Variants in SORD observed in about 807,000 individuals in gnomAD.
SORD encodes (R,R)-butanediol dehydrogenase.
SORD carries 18 observed loss-of-function variants against 35.6 expected under a neutral mutation model. The observed-to-expected ratio is 0.51, with a 90% CI of 0.35 to 0.75. The LOEUF is 0.75. Among genes scored for constraint, SORD ranks in the 30% least tolerant of loss-of-function variants. The probability of loss-of-function intolerance (pLI) is 0.01; values close to 1 mark genes in which losing one functional copy is unlikely to be tolerated. For synonymous variants in SORD, 106 were observed against 152.9 expected, an observed-to-expected ratio of 0.69 and a Z score of 2.26; for missense variants, 250 against 390.2, an observed-to-expected ratio of 0.64 and a Z score of 3.03.
intron 3 of SORD, chr15:45,060,859 C>T (rs1893291392): frequency 1.8e-6 from 2 of 1,114,940 alleles, no homozygotes; most frequent in Non-Finnish European, 1.2e-6. Flanking sequence ...AGTTTCCTCA[C>T]TTGCCTAGGA....
Position 45,069,029 on chromosome 15 carries a change from G to A in SORD, c.763G>A (p.Ala255Thr), listed in dbSNP as rs141753497. 5.6e-6 allele frequency: 9 copies of A among 1,611,132 alleles called. No homozygotes were observed. Among genetic ancestry groups the A allele is most frequent in the Admixed American group, 1.7e-5 (1 of 59,748 alleles). The part of the protein sequence containing the change: ...EVTIECTGAE[A>T]SIQAGIYATR... ...CACCATCGAGTGCACGGGGGCAGAG[G>A]CCTCCATCCAGGCGGGCATCTACGT... The change falls in exon 7 of 9, where the codon GCC becomes ACC. Residue 255 changes from alanine to threonine, a missense_variant. Ala to Thr is a moderately conservative substitution (Grantham distance 58, BLOSUM62 0). Coordinates refer to ENST00000267814, the MANE Select transcript of SORD (RefSeq NM_003104.6).
chr15:45,036,298 T>C, intron 1 of SORD: 3 of 455,882 alleles, frequency 6.6e-6, no homozygotes, highest in Non-Finnish European at 1.3e-5. Context: ...TTAAGATATG[T>C]ATTTCTGACT....
At chr15:45,036,740 A>C (rs1471271191) in intron 1 of SORD, among the ~76,000 whole-genome samples, 1 of 152,120 alleles carries the variant, frequency 6.6e-6, no homozygotes, top group African/African-American at 2.4e-5. Flanking sequence ...AAATGAAAGA[A>C]ATTCGTTTAG....
chr15:45,027,185 T>C (rs761012057), intron 1 of SORD, among the ~76,000 whole-genome samples: 9 of 152,244 alleles, frequency 5.9e-5, no homozygotes, highest in Non-Finnish European at 1.2e-4. Context: ...TAGAGAAAGT[T>C]TGAGAGTTGG....
At chr15:45,025,468 T>C (rs963005924) in intron 1 of SORD, among the ~76,000 whole-genome samples, 1 of 152,012 alleles carries the variant, frequency 6.6e-6, no homozygotes, top group African/African-American at 2.4e-5. Context: ...TGAAACTGTC[T>C]CTACTATAAA....
chr15:45,030,273 A>C (rs1441948749), intron 1 of SORD, among the ~76,000 whole-genome samples: 2 of 152,264 alleles, frequency 1.3e-5, no homozygotes, highest in African/African-American at 2.4e-5. Context: ...ACCATTCCAT[A>C]AAAGCAGCCC....
chr15:45,045,132 T>G (rs912252408), intron 3 of SORD, among the ~76,000 whole-genome samples: 1 of 152,220 alleles, frequency 6.6e-6, no homozygotes, highest in Non-Finnish European at 1.5e-5. Flanking sequence ...CACCCTGGTC[T>G]TTTGGACTCT....
chr15:45,029,212 C>T (rs2141262636), intron 1 of SORD, among the ~76,000 whole-genome samples: 1 of 152,380 alleles, frequency 6.6e-6, no homozygotes, highest in Admixed American at 6.5e-5. Context: ...CTGGACATAC[C>T]ATTTCAAATT....
At chr15:45,035,190 C>T (rs1274035822) in intron 1 of SORD, among the ~76,000 whole-genome samples, 1 of 152,172 alleles carries the variant, frequency 6.6e-6, no homozygotes, top group Non-Finnish European at 1.5e-5. Flanking sequence ...CGCCCAATCC[C>T]ATCGACCACC....
intron 1 of SORD, among the ~76,000 whole-genome samples, chr15:45,024,302 G>C (rs1347540314): frequency 2.0e-5 from 3 of 152,168 alleles, no homozygotes; most frequent in Non-Finnish European, 2.9e-5. Flanking sequence ...TAATTCAGAA[G>C]CTTATCCAGG....
intron 3 of SORD, among the ~76,000 whole-genome samples, chr15:45,059,965 G>T (rs1248958977): frequency 6.6e-6 from 1 of 152,232 alleles, no homozygotes; most frequent in Admixed American, 6.5e-5. Flanking sequence ...GTCCTCTGGG[G>T]ATGGGGCTGG....
chr15:45,038,979 C>T (rs570786067), intron 1 of SORD, among the ~76,000 whole-genome samples: 1 of 152,210 alleles, frequency 6.6e-6, no homozygotes, highest in Non-Finnish European at 1.5e-5. Context: ...TGGAAGCAGG[C>T]TTCATCCACT....
At chr15:45,034,718 G>A (rs1377924614) in intron 1 of SORD, among the ~76,000 whole-genome samples, 1 of 152,264 alleles carries the variant, frequency 6.6e-6, no homozygotes, top group Non-Finnish European at 1.5e-5. Context: ...CTCTGCCTGG[G>A]CTCCCGCTTT....
intron 4 of SORD, among the ~76,000 whole-genome samples, chr15:45,062,410 G>C (rs1420585097): frequency 1.3e-5 from 2 of 152,206 alleles, no homozygotes; most frequent in Non-Finnish European, 2.9e-5. Flanking sequence ...CTAGGGTGCC[G>C]AAGTGCCGCT....
chr15:45,054,551 T>C (rs1427386473), intron 3 of SORD, among the ~76,000 whole-genome samples: 2 of 152,262 alleles, frequency 1.3e-5, no homozygotes, highest in African/African-American at 4.8e-5. Flanking sequence ...ATTAGCCCTT[T>C]GTCAGACGAG....
chr15:45,048,747 A>G (rs754781910), intron 3 of SORD, among the ~76,000 whole-genome samples: 11 of 152,172 alleles, frequency 7.2e-5, no homozygotes, highest in South Asian at 2.1e-4. Context: ...CGAAAGTTTA[A>G]TAAGTGAAAG....
intron 3 of SORD, among the ~76,000 whole-genome samples, chr15:45,052,295 C>T (rs1893137990): frequency 6.6e-6 from 1 of 152,192 alleles, no homozygotes; most frequent in South Asian, 2.1e-4. Flanking sequence ...GATTGAATGG[C>T]TGTTCTCCCT....
At chr15:45,025,882 T>C (rs2576079) in intron 1 of SORD, among the ~76,000 whole-genome samples, 1 of 152,218 alleles carries the variant, frequency 6.6e-6, no homozygotes, top group East Asian at 1.9e-4. Flanking sequence ...TAGTGCTATC[T>C]TGCACAACAA....
chr15:45,064,911 C>T (rs1893379978), intron 4 of SORD, among the ~76,000 whole-genome samples: 2 of 152,150 alleles, frequency 1.3e-5, no homozygotes, highest in Non-Finnish European at 2.9e-5. Flanking sequence ...CCAAAGAAAA[C>T]CATGTTGCCT....
Sources: gnomAD v4.1 joint callset for allele counts (sites outside exome capture counted in the v4.1 genomes callset) on GRCh38, gnomAD v4.1.1 for gene constraint, MANE v1.5 for transcripts, NCBI Gene and HGNC (gene_info 2026-07-23, HGNC 2026-07-21) for gene names.